ANGPT1: variants seen among roughly 807,000 people sequenced by gnomAD.
ANGPT1 encodes the protein angiopoietin 1, also known as angiopoietin-1.
Under a neutral mutation model 62.2 loss-of-function variants are expected in ANGPT1, and 17 were observed. That is an observed-to-expected ratio of 0.27 (90% confidence interval 0.19 to 0.41). The LOEUF is 0.41. ANGPT1 is among the 10% of genes least tolerant of loss of function. The probability of loss-of-function intolerance (pLI) is 1.00; values close to 1 mark genes in which losing one functional copy is unlikely to be tolerated. For synonymous variants in ANGPT1, 199 were observed against 198.9 expected (o/e 1.00, Z 0.00); for missense variants, 478 against 594.9 (o/e 0.80, Z 2.04).
At chr8:107,352,805 A>C (rs1267697508) in intron 1 of ANGPT1, among the ~76,000 whole-genome samples, 1 of 152,202 alleles carries the variant, frequency 6.6e-6, no homozygotes, top group Non-Finnish European at 1.5e-5. Context: ...GTTATGACAA[A>C]ACAACCATGA....
At chr8:107,307,989 A>G (rs1178639573) in intron 4 of ANGPT1, among the ~76,000 whole-genome samples, 1 of 152,136 alleles carries the variant, frequency 6.6e-6, no homozygotes, top group African/African-American at 2.4e-5. Context: ...AAAATTAATT[A>G]AAGTGTTAAT....
At chr8:107,299,391 G>GTATATATATATATA (rs59247214) in intron 5 of ANGPT1, among the ~76,000 whole-genome samples, 300 of 112,554 alleles carry the variant, frequency 2.7e-3, no homozygotes, top group South Asian at 0.01. Context: ...ATGAAGGAGT[G>GTATATATATATATA]TATATATATA....
intron 8 of ANGPT1, among the ~76,000 whole-genome samples, chr8:107,254,513 T>G (rs1227822834): frequency 6.6e-6 from 1 of 151,998 alleles, no homozygotes; most frequent in Non-Finnish European, 1.5e-5. Flanking sequence ...TAAAATGTCA[T>G]GAAGAAAATA....
intron 1 of ANGPT1, among the ~76,000 whole-genome samples, chr8:107,385,806 C>T (rs770005078): frequency 7.9e-5 from 12 of 152,022 alleles, no homozygotes; most frequent in Non-Finnish European, 1.2e-4. Flanking sequence ...TATGTACCTT[C>T]GATGCCTAGC....
intron 4 of ANGPT1, among the ~76,000 whole-genome samples, chr8:107,319,068 C>T (rs1815090355): frequency 6.6e-6 from 1 of 152,146 alleles, no homozygotes; most frequent in South Asian, 2.1e-4. Context: ...AATGAATGTA[C>T]TTAACTGAAT....
chr8:107,426,373 G>C (rs187863463), intron 1 of ANGPT1, among the ~76,000 whole-genome samples: 49 of 152,334 alleles, frequency 3.2e-4, no homozygotes, highest in Admixed American at 2.4e-3. Flanking sequence ...TTCTAAAACA[G>C]AAAGTGGGCG....
chr8:107,324,068 T>C (rs1466932136), intron 3 of ANGPT1, among the ~76,000 whole-genome samples: 1 of 151,648 alleles, frequency 6.6e-6, no homozygotes, highest in Non-Finnish European at 1.5e-5. Context: ...CATGAGCCAC[T>C]GTGCCCGGCC....
chr8:107,313,870 T>C (rs761503173), intron 4 of ANGPT1, among the ~76,000 whole-genome samples: 1 of 152,188 alleles, frequency 6.6e-6, no homozygotes, highest in African/African-American at 2.4e-5. Flanking sequence ...TTTTACCTTC[T>C]TTTTCTCCCT....
intron 7 of ANGPT1, among the ~76,000 whole-genome samples, chr8:107,280,660 C>T (rs767886684): frequency 2.0e-5 from 3 of 152,062 alleles, no homozygotes; most frequent in African/African-American, 7.2e-5. Flanking sequence ...AGAACATAAC[C>T]GTTAATGAGA....
chr8:107,259,290 G>A (rs1194723195), intron 8 of ANGPT1, among the ~76,000 whole-genome samples: 3 of 152,022 alleles, frequency 2.0e-5, no homozygotes, highest in East Asian at 3.8e-4. Flanking sequence ...TCACTTCAAG[G>A]TCATACACCA....
intron 6 of ANGPT1, among the ~76,000 whole-genome samples, chr8:107,293,560 G>A (rs1206704121): frequency 1.3e-5 from 2 of 152,060 alleles, no homozygotes; most frequent in Non-Finnish European, 2.9e-5. Flanking sequence ...CAGTTATGTG[G>A]GTGAGGCCAT....
chr8:107,440,818 C>A (rs1044193917), intron 1 of ANGPT1, among the ~76,000 whole-genome samples: 2 of 152,136 alleles, frequency 1.3e-5, no homozygotes, highest in African/African-American at 4.8e-5. Context: ...TTCTAAACTT[C>A]AATTTGAAGA....
In ANGPT1 at chr8:107,368,203, T is replaced by C. The variant is rs953733728; in HGVS notation, c.298-21106A>G. On this transcript the variant is annotated intron_variant, in intron 1 of 8. Transcript: ENST00000517746. The stretch of plus-strand genomic sequence containing the variant: ...TGTGTTAGCAGGTATAAAAACAATA[T>C]TAATATTCTTGTGCATCTCCATCAG... Among the ~76,000 whole-genome samples the C allele has an allele frequency of 3.9e-5, 6 of 152,308 alleles. No homozygotes were observed. The South Asian group carries it at 8.3e-4, about 21-fold the overall frequency.
chr8:107,459,695 G>A (rs917900229), intron 1 of ANGPT1, among the ~76,000 whole-genome samples: 9 of 151,908 alleles, frequency 5.9e-5, no homozygotes, highest in African/African-American at 2.2e-4. Context: ...TTCGGTACAT[G>A]GTCCAACATG....
intron 1 of ANGPT1, among the ~76,000 whole-genome samples, chr8:107,398,748 C>G (rs1816986316): frequency 1.3e-5 from 2 of 152,002 alleles, no homozygotes; most frequent in Non-Finnish European, 2.9e-5. Context: ...TTATGTTTTT[C>G]AAGTCTGCTT....
chr8:107,426,397 TG>T (rs1337782394), intron 1 of ANGPT1, among the ~76,000 whole-genome samples: 1 of 152,212 alleles, frequency 6.6e-6, no homozygotes, highest in Admixed American at 6.5e-5. Flanking sequence ...GATCCAAGGT[TG>T]AGTGAATTAT....
intron 1 of ANGPT1, among the ~76,000 whole-genome samples, chr8:107,471,714 G>C (rs1446201931): frequency 6.6e-6 from 1 of 152,024 alleles, no homozygotes; most frequent in East Asian, 1.9e-4. Flanking sequence ...CTCACTGTAA[G>C]GAGCAAGCAC....
chr8:107,319,741 A>G (rs1206169986), intron 4 of ANGPT1, among the ~76,000 whole-genome samples: 1 of 152,122 alleles, frequency 6.6e-6, no homozygotes, highest in African/African-American at 2.4e-5. Context: ...GTGAAAATAA[A>G]GATATGCAGA....
intron 8 of ANGPT1, among the ~76,000 whole-genome samples, chr8:107,255,655 A>G (rs1813341797): frequency 6.6e-6 from 1 of 152,228 alleles, no homozygotes; most frequent in Non-Finnish European, 1.5e-5. Flanking sequence ...ACCATAATAA[A>G]GATACTAATG....
Sources: gnomAD v4.1 joint callset for allele counts (sites outside exome capture counted in the v4.1 genomes callset) on GRCh38, gnomAD v4.1.1 for gene constraint, MANE v1.5 for transcripts, NCBI Gene and HGNC (gene_info 2026-07-23, HGNC 2026-07-21) for gene names.